TRIP4: variants seen among roughly 807,000 people sequenced by gnomAD.
TRIP4 encodes the protein activating signal cointegrator 1.
Under a neutral mutation model 81.8 loss-of-function variants are expected in TRIP4, and 54 were observed. The ratio of observed to expected loss-of-function variants is 0.66; its 90% CI spans 0.53 to 0.83. TRIP4 has a LOEUF of 0.83. Among genes scored for constraint, TRIP4 ranks in the 40% least tolerant of loss-of-function variants. The pLI is 0.00. For synonymous variants in TRIP4, 270 were observed against 242.8 expected (o/e 1.11, Z -1.04); for missense variants, 662 against 683.6 (o/e 0.97, Z 0.35).
At chr15:64,451,554 C>G (rs1166749774) in intron 12 of TRIP4, among the ~76,000 whole-genome samples, 1 of 146,376 alleles carries the variant, frequency 6.8e-6, no homozygotes, top group Non-Finnish European at 1.5e-5. Flanking sequence ...TCACTGCAAC[C>G]TCTGCCTCCC....
At chr15:64,446,775 C>G (rs1011497789) in intron 12 of TRIP4, among the ~76,000 whole-genome samples, 1 of 151,790 alleles carries the variant, frequency 6.6e-6, no homozygotes, top group Non-Finnish European at 1.5e-5. Flanking sequence ...TTCCTCTGTC[C>G]TAGAGCAGCC....
At chr15:64,403,008 C>T (rs886292721) in intron 5 of TRIP4, among the ~76,000 whole-genome samples, 1 of 151,900 alleles carries the variant, frequency 6.6e-6, no homozygotes, top group Non-Finnish European at 1.5e-5. Flanking sequence ...TGGCGACGCC[C>T]GCCACCATGC....
intron 6 of TRIP4, among the ~76,000 whole-genome samples, chr15:64,408,894 T>C (rs570248451): frequency 6.6e-6 from 1 of 152,102 alleles, no homozygotes; most frequent in South Asian, 2.1e-4. Flanking sequence ...TAATGACATA[T>C]AGTAGTAGGG....
At chr15:64,452,494 A>C (rs1892792555) in intron 12 of TRIP4, among the ~76,000 whole-genome samples, 1 of 152,214 alleles carries the variant, frequency 6.6e-6, no homozygotes, top group Non-Finnish European at 1.5e-5. Context: ...AGGAATACTG[A>C]ACCTGTAGTT....
chr15:64,427,422 G>T (rs749361442), intron 11 of TRIP4, among the ~76,000 whole-genome samples: 1 of 151,584 alleles, frequency 6.6e-6, no homozygotes, highest in African/African-American at 2.4e-5. Flanking sequence ...TCACTCTGTC[G>T]TCCAGGCTGG....
rs1248768228 is a variant in TRIP4, at chr15:64,403,468, AC to A, written c.697+2648del. On this transcript the variant is annotated intron_variant, in intron 5 of 12. Transcript: ENST00000261884. ...GCCACCGCGCCCAGCAGTTAAGGAC[AC>A]TATTAAAAAGAAAAACAATATACTC... Among the ~76,000 whole-genome samples, 4 of 152,302 alleles carry A rather than the reference AC, an allele frequency of 2.6e-5. No homozygotes were observed. The South Asian group carries it at 8.3e-4, about 32-fold the overall frequency.
At position 64,445,024 on chromosome 15, in the gene TRIP4, G is replaced by T; in HGVS notation, c.1594G>T (p.Glu532Ter). ...TTCACAGTTTCCAGACATCAGTCAAGAGTCTGATTCTCCATTTGTTTTCAT... is the reference window on the plus strand; with the variant it reads ...TTCACAGTTTCCAGACATCAGTCAATAGTCTGATTCTCCATTTGTTTTCAT... ...FKEQFPDISQESDSPFVFICK... is the reference protein window; with the variant it reads ...FKEQFPDISQ The change falls in exon 12 of 13, where the codon GAG becomes TAG. Residue 532 changes from glutamate to a stop codon, truncating the protein, a stop_gained. Transcript: ENST00000261884. LOFTEE classifies it high-confidence loss of function. The T allele has an allele frequency of 1.3e-6, 2 of 1,584,236 alleles. No individual in the cohort carries two copies. The highest frequency in any genetic ancestry group is 1.7e-6 in the Non-Finnish European group (2 of 1,156,568).
chr15:64,455,152 A>G lies in TRIP4; in HGVS notation c.*88A>G, dbSNP rs760536936. 16 of 1,193,996 alleles carry G rather than the reference A, an allele frequency of 1.3e-5. No homozygotes were observed. In the Admixed American group the frequency reaches 3.2e-4, roughly 24 times the overall value. 74.0% of individuals were successfully genotyped at this position (1,193,996 alleles called of 1,614,324 possible). A position where few individuals can be genotyped will look rare whatever the true frequency, so the allele number is the denominator to read the frequency against. On this transcript the variant is annotated 3_prime_UTR_variant, in exon 13 of 13. Coordinates refer to ENST00000261884, the MANE Select transcript of TRIP4 (RefSeq NM_016213.5). ...GTCCTTTGGAATTGAAGTAGTAGAA[A>G]CCTAAAGGCTTGGCGTCAGGCTTGA...
rs565501589 is a variant in TRIP4, at chr15:64,412,305, C to G, written c.1044-1780C>G. On this transcript the variant is annotated intron_variant, in intron 7 of 12. Coordinates refer to ENST00000261884, the MANE Select transcript of TRIP4 (RefSeq NM_016213.5). ...GCTATTTTAGACTTACCTCATCATA[C>G]AAATTCTTATACTTTTTAAAAGCTT... is the stretch of plus-strand genomic sequence containing the variant. 2.0e-5 allele frequency among the ~76,000 whole-genome samples: 3 copies of G among 152,212 alleles called. No individual in the cohort carries two copies. In the South Asian group the frequency reaches 6.2e-4, roughly 32 times the overall value.
intron 9 of TRIP4, among the ~76,000 whole-genome samples, chr15:64,421,758 A>C (rs1372827223): frequency 6.6e-6 from 1 of 152,158 alleles, no homozygotes; most frequent in Non-Finnish European, 1.5e-5. Context: ...TAAGAATAAG[A>C]GGCTGCCGGG....
chr15:64,398,217 A>G (rs1358178740), intron 4 of TRIP4, among the ~76,000 whole-genome samples: 1 of 151,956 alleles, frequency 6.6e-6, no homozygotes, highest in African/African-American at 2.4e-5. Flanking sequence ...TTTTCTTAGT[A>G]AATTTCTTCC....
At chr15:64,443,865 AC>A (rs1236463458) in intron 11 of TRIP4, among the ~76,000 whole-genome samples, 26 of 152,236 alleles carry the variant, frequency 1.7e-4, no homozygotes, top group African/African-American at 6.0e-4. Flanking sequence ...TTAAAAAAAA[AC>A]AAAACAAAAA....
At chr15:64,443,801 C>A (rs1046339115) in intron 11 of TRIP4, among the ~76,000 whole-genome samples, 1 of 152,050 alleles carries the variant, frequency 6.6e-6, no homozygotes, top group Non-Finnish European at 1.5e-5. Context: ...GCAGGAGAAT[C>A]ATTTGGGTCC....
At chr15:64,426,200 TG>T (rs1233409531) in intron 11 of TRIP4, among the ~76,000 whole-genome samples, 1 of 152,028 alleles carries the variant, frequency 6.6e-6, no homozygotes, top group Non-Finnish European at 1.5e-5. Context: ...TTATTTTGAT[TG>T]GGGGGTGGGA....
At chr15:64,415,862 A>G (rs1430053910) in intron 8 of TRIP4, among the ~76,000 whole-genome samples, 1 of 152,216 alleles carries the variant, frequency 6.6e-6, no homozygotes, top group Non-Finnish European at 1.5e-5. Context: ...GCCCTAAAGT[A>G]GGCAAAGAAG....
intron 11 of TRIP4, among the ~76,000 whole-genome samples, chr15:64,439,170 G>T (rs1892464118): frequency 6.6e-6 from 1 of 152,188 alleles, no homozygotes; most frequent in Non-Finnish European, 1.5e-5. Context: ...GTAGAGTGGG[G>T]CCTGGGGTGG....
chr15:64,402,099 T>C (rs1891522730), intron 5 of TRIP4, among the ~76,000 whole-genome samples: 1 of 152,136 alleles, frequency 6.6e-6, no homozygotes, highest in Admixed American at 6.6e-5. Flanking sequence ...TGTACTATGG[T>C]TTTGTAAGAT....
intron 11 of TRIP4, among the ~76,000 whole-genome samples, chr15:64,442,282 G>A (rs997400484): frequency 2.0e-5 from 3 of 152,072 alleles, no homozygotes; most frequent in Non-Finnish European, 4.4e-5. Flanking sequence ...CACTTAAGAG[G>A]TTATTGCAGA....
intron 5 of TRIP4, 121 bp from the exon 6 acceptor site, chr15:64,406,209 T>C: frequency 1.6e-6 from 2 of 1,234,240 alleles, no homozygotes; most frequent in East Asian, 4.7e-5. Flanking sequence ...TCTGTTGAAA[T>C]GAAGGCTCCA....
Sources: gnomAD v4.1 joint callset for allele counts (sites outside exome capture counted in the v4.1 genomes callset) on GRCh38, gnomAD v4.1.1 for gene constraint, MANE v1.5 for transcripts, NCBI Gene and HGNC (gene_info 2026-07-23, HGNC 2026-07-21) for gene names.